MYRIP: variants seen among roughly 807,000 people sequenced by gnomAD.
MYRIP encodes myosin VIIA and Rab interacting protein, also known as rab effector MyRIP.
Under a neutral mutation model 98.0 loss-of-function variants are expected in MYRIP, and 49 were observed. The observed-to-expected ratio is 0.50, with a 90% confidence interval of 0.40 to 0.63. The LOEUF (loss-of-function observed/expected upper bound fraction) is 0.63, where lower values mean the gene tolerates loss of function less well. MYRIP is among the 30% of genes least tolerant of loss of function. The pLI is 0.00. For missense variants in MYRIP, 1,004 were observed against 1,058.2 expected (o/e 0.95, Z 0.71); for synonymous variants, 404 against 409.5 (o/e 0.99, Z 0.16).
intron 3 of MYRIP, among the ~76,000 whole-genome samples, chr3:40,109,767 A>G (rs1218669143): frequency 6.6e-6 from 1 of 152,222 alleles, no homozygotes; most frequent in Non-Finnish European, 1.5e-5. Flanking sequence ...GGACCAGCCC[A>G]TAATGACCAC....
intron 9 of MYRIP, 45 bp from the exon 10 acceptor site, chr3:40,189,781 G>A: frequency 1.3e-6 from 2 of 1,535,664 alleles, no homozygotes; most frequent in Non-Finnish European, 1.7e-6. Context: ...TTGCATTAAA[G>A]TGATAACAGC....
chr3:40,129,714 G>A (rs1271293864), intron 3 of MYRIP, among the ~76,000 whole-genome samples: 1 of 152,166 alleles, frequency 6.6e-6, no homozygotes, highest in Non-Finnish European at 1.5e-5. Flanking sequence ...GTGCCCTACT[G>A]TGTTGGGGAG....
chr3:39,935,991 T>A, intron 2 of MYRIP, among the ~76,000 whole-genome samples: 1 of 152,200 alleles, frequency 6.6e-6, no homozygotes, highest in Non-Finnish European at 1.5e-5. Context: ...AGTCCTTAAT[T>A]TGGCAATTTC....
chr3:40,074,098 G>A (rs559535002), intron 3 of MYRIP, among the ~76,000 whole-genome samples: 2 of 146,730 alleles, frequency 1.4e-5, no homozygotes, highest in South Asian at 2.1e-4. Context: ...TTTTTGAGAT[G>A]GAGTCTTGCT....
chr3:40,165,109 T>G (rs1049194139), intron 5 of MYRIP, among the ~76,000 whole-genome samples: 1 of 152,242 alleles, frequency 6.6e-6, no homozygotes, highest in Admixed American at 6.5e-5. Flanking sequence ...AGATACAGTG[T>G]CTACCACCAG....
chr3:39,891,602 T>C (rs1264600652), intron 1 of MYRIP, among the ~76,000 whole-genome samples: 1 of 152,152 alleles, frequency 6.6e-6, no homozygotes, highest in Non-Finnish European at 1.5e-5. Flanking sequence ...GCTGGATCAA[T>C]GGTATTTAAT....
intron 2 of MYRIP, among the ~76,000 whole-genome samples, chr3:39,963,524 G>A (rs1945373272): frequency 6.6e-6 from 1 of 152,102 alleles, no homozygotes; most frequent in African/African-American, 2.4e-5. Flanking sequence ...AATGAAATAG[G>A]TGACTTTGTT....
At chr3:40,252,399 T>G (rs185552292) in intron 16 of MYRIP, among the ~76,000 whole-genome samples, 13 of 152,326 alleles carry the variant, frequency 8.5e-5, no homozygotes, top group Admixed American at 8.5e-4. Context: ...CTAATCACTT[T>G]GAGCCAACTC....
chr3:40,170,141 G>A (rs1477681199), intron 8 of MYRIP, 48 bp downstream of exon 8: 3 of 1,604,306 alleles, frequency 1.9e-6, no homozygotes, highest in East Asian at 2.2e-5. Context: ...TGCAGGTCTG[G>A]GGCACACATT....
At position 40,097,024 on chromosome 3, in the gene MYRIP, A is replaced by G. The variant is rs149243954; in HGVS notation, c.332+52753A>G. ...CTCAGTAAAAGGCTCCTCTGTTGCC[A>G]TGGAGGCTTTTGACTTCTTCAGTGA... On this transcript the variant is annotated intron_variant, in intron 3 of 16. Transcript: ENST00000302541. Among the ~76,000 whole-genome samples, 302 of 152,340 alleles carry G rather than the reference A, an allele frequency of 2.0e-3. 3 individuals are homozygous for G. The highest frequency in any genetic ancestry group is 7.0e-3 in the African/African-American group (290 of 41,574).
intron 11 of MYRIP, among the ~76,000 whole-genome samples, chr3:40,231,318 G>A (rs144957929): frequency 5.3e-4 from 80 of 152,340 alleles, no homozygotes; most frequent in Middle Eastern, 3.4e-3. Context: ...ACAAGTGGAC[G>A]GGGTAGGGCC....
chr3:40,166,992 C>T (rs767944071), intron 6 of MYRIP, 49 bp downstream of exon 6: 1 of 1,490,566 alleles, frequency 6.7e-7, no homozygotes, highest in South Asian at 1.1e-5. Flanking sequence ...GGGTTGGGGT[C>T]CTTGCTGCCA....
rs79666821 is a variant in MYRIP, at chr3:39,928,534, A to T, written c.110+27608A>T. ...GCAAAGCTGGTTCAGTTTTAAAAAA[A>T]CAATCAATGTAATTCATATTATTGA... On this transcript the variant is annotated intron_variant, in intron 2 of 16. Transcript: ENST00000302541. Among the ~76,000 whole-genome samples the T allele has an allele frequency of 9.9e-3, 1,512 of 152,060 alleles. 15 individuals are homozygous for T. Among genetic ancestry groups the T allele is most frequent in the African/African-American group, 0.034 (1,430 of 41,548 alleles).
chr3:40,154,706 C>A (rs371880930), intron 4 of MYRIP, among the ~76,000 whole-genome samples: 1 of 152,160 alleles, frequency 6.6e-6, no homozygotes, highest in Non-Finnish European at 1.5e-5. Context: ...TCACCCTCCC[C>A]CTGCCTTGAC....
chr3:40,155,662 T>A (rs1259362932), intron 4 of MYRIP, among the ~76,000 whole-genome samples: 2 of 151,554 alleles, frequency 1.3e-5, no homozygotes, highest in African/African-American at 4.9e-5. Context: ...TGTTGTTTCC[T>A]GACTTTTTAA....
intron 8 of MYRIP, among the ~76,000 whole-genome samples, chr3:40,177,654 C>T (rs1011852182): frequency 6.6e-6 from 1 of 152,188 alleles, no homozygotes; most frequent in African/African-American, 2.4e-5. Context: ...GTCAGTGCGA[C>T]CTGGCTTTCA....
intron 3 of MYRIP, among the ~76,000 whole-genome samples, chr3:40,088,531 C>G (rs1179159967): frequency 6.6e-6 from 1 of 152,240 alleles, no homozygotes; most frequent in African/African-American, 2.4e-5. Flanking sequence ...GTTAAAGACA[C>G]AGACCTGAAT....
chr3:39,938,268 C>T (rs1241306727), intron 2 of MYRIP, among the ~76,000 whole-genome samples: 2 of 152,066 alleles, frequency 1.3e-5, no homozygotes, highest in Non-Finnish European at 2.9e-5. Context: ...TATCCTCTTT[C>T]GAGTCTGGTT....
chr3:40,132,457 T>A (rs200720166), intron 3 of MYRIP, among the ~76,000 whole-genome samples: 1 of 152,230 alleles, frequency 6.6e-6, no homozygotes, highest in Admixed American at 6.5e-5. Flanking sequence ...CACATTTTCA[T>A]TCCTCAAGAG....
Sources: allele counts gnomAD v4.1 joint callset (sites outside exome capture counted in the v4.1 genomes callset), GRCh38; gene constraint gnomAD v4.1.1; transcripts MANE v1.5; gene names NCBI Gene and HGNC (gene_info 2026-07-23, HGNC 2026-07-21).